Variants in STARD6 observed in about 807,000 individuals in gnomAD.
STARD6 encodes stAR-related lipid transfer protein 6.
STARD6 carries 21 observed loss-of-function variants against 22.3 expected under a neutral mutation model. The observed-to-expected ratio is 0.94, with a 90% CI of 0.67 to 1.35. The LOEUF is 1.35. Among genes scored for constraint, STARD6 ranks in the 40% most tolerant of loss-of-function variants. The pLI is 0.00. For missense variants in STARD6, 269 were observed against 266.9 expected, an observed-to-expected ratio of 1.01 and a Z score of -0.05; for synonymous variants, 80 against 88.1, an observed-to-expected ratio of 0.91 and a Z score of 0.52.
At chr18:54,329,562 A>G in intron 6 of STARD6, 122 bp from the exon 7 acceptor site, 1 of 725,778 alleles carries the variant, frequency 1.4e-6, no homozygotes, top group Non-Finnish European at 2.1e-6. Flanking sequence ...TTAGTTTTAT[A>G]TATGTGAATG....
intron 4 of STARD6, among the ~76,000 whole-genome samples, chr18:54,347,098 A>C (rs1452376850): frequency 6.6e-6 from 1 of 152,106 alleles, no homozygotes; most frequent in African/African-American, 2.4e-5. Flanking sequence ...TTAGTTCCAC[A>C]AGTCCTTTTT....
intron 5 of STARD6, among the ~76,000 whole-genome samples, chr18:54,336,163 T>C (rs1381776801): frequency 6.6e-6 from 1 of 152,232 alleles, no homozygotes; most frequent in Non-Finnish European, 1.5e-5. Flanking sequence ...GTTTTCTCTT[T>C]GTTTTTATTC....
intron 2 of STARD6, among the ~76,000 whole-genome samples, chr18:54,355,090 C>G (rs763877804): frequency 8.5e-5 from 13 of 152,198 alleles, no homozygotes; most frequent in Non-Finnish European, 7.3e-5. Context: ...TGGCACTACA[C>G]GATCTGACCC....
At chr18:54,338,276 C>T (rs1276309623) in intron 4 of STARD6, among the ~76,000 whole-genome samples, 1 of 152,170 alleles carries the variant, frequency 6.6e-6, no homozygotes, top group Non-Finnish European at 1.5e-5. Flanking sequence ...GGTGACAAAA[C>T]TTCCAAGCTA....
intron 4 of STARD6, among the ~76,000 whole-genome samples, chr18:54,351,718 T>C (rs1449106140): frequency 6.6e-6 from 1 of 152,144 alleles, no homozygotes; most frequent in Non-Finnish European, 1.5e-5. Context: ...ATTTTTGTTT[T>C]TAATTTTGGT....
intron 4 of STARD6, among the ~76,000 whole-genome samples, chr18:54,343,810 G>A (rs1480443654): frequency 2.6e-3 from 195 of 74,008 alleles, no homozygotes; most frequent in Non-Finnish European, 3.9e-3. Context: ...CGCCCCGTCC[G>A]GGAGGTGAGG....
intron 7 of STARD6, among the ~76,000 whole-genome samples, chr18:54,325,822 T>G (rs768994575): frequency 2.0e-5 from 3 of 152,142 alleles, no homozygotes; most frequent in Non-Finnish European, 4.4e-5. Context: ...AATGCTGGGA[T>G]TACAGGTGTG....
chr18:54,327,788 A>G (rs2088835997), intron 7 of STARD6, among the ~76,000 whole-genome samples: 4 of 152,030 alleles, frequency 2.6e-5, no homozygotes, highest in Non-Finnish European at 5.9e-5. Context: ...ATTTTCTTAT[A>G]CTTTTCTCTA....
In STARD6 at chr18:54,357,841, G is replaced by A. The variant is rs1045752932; in HGVS notation, c.-138C>T. The A allele has an allele frequency of 6.6e-6, 1 of 152,362 alleles. No homozygotes were observed. The highest frequency in any genetic ancestry group is 1.5e-5 in the Non-Finnish European group (1 of 68,180). 9.4% of individuals were successfully genotyped at this position (152,362 alleles called of 1,614,324 possible). ...CGCTCAACAGCATCCTCTCTTCTCC[G>A]GCCGCTCCCTCATCTCCGCTCGCGC... On this transcript the variant is annotated 5_prime_UTR_variant, in exon 1 of 8. Coordinates refer to ENST00000307844, the MANE Select transcript of STARD6 (RefSeq NM_139171.2).
rs1436262451 is a variant in STARD6, at chr18:54,329,334, A to C, written c.479+13T>G. The stretch of plus-strand genomic sequence containing the variant: ...AAAACCTGTTAAAATAAATAAGTGC[A>C]AACAACACTTACTCTTCCATTGGTG... On this transcript the variant is annotated intron_variant, in intron 7 of 7. Coordinates refer to ENST00000307844, the MANE Select transcript of STARD6 (RefSeq NM_139171.2). 2.6e-6 allele frequency: 4 copies of C among 1,555,508 alleles called. No homozygotes were observed.
chr18:54,338,815 C>T (rs949126844), intron 4 of STARD6, among the ~76,000 whole-genome samples: 2 of 151,476 alleles, frequency 1.3e-5, no homozygotes, highest in African/African-American at 2.4e-5. Context: ...TTTGGGAGGC[C>T]GAGGCAGGCA....
At position 54,355,438 on chromosome 18, in the gene STARD6, G is replaced by A. The variant is rs556269699; in HGVS notation, c.-4-861C>T. On this transcript the variant is annotated intron_variant, in intron 2 of 7. Transcript: ENST00000307844. ...ATATGTTGAAATCCTAACTCCCAGG[G>A]TGATATTAGGAGATGATTAGGTCAT... Among the ~76,000 whole-genome samples the A allele has an allele frequency of 3.2e-3, 494 of 152,178 alleles. 4 individuals are homozygous for A. Among genetic ancestry groups the A allele is most frequent in the Non-Finnish European group, 5.3e-3 (358 of 68,024 alleles).
intron 4 of STARD6, among the ~76,000 whole-genome samples, chr18:54,339,379 C>A (rs1432680714): frequency 1.3e-5 from 2 of 151,252 alleles, no homozygotes; most frequent in Admixed American, 6.6e-5. Context: ...TCAAGAAGTT[C>A]ATTGAATTCT....
chr18:54,346,454 CT>C (rs2144689415), intron 4 of STARD6, among the ~76,000 whole-genome samples: 2 of 152,000 alleles, frequency 1.3e-5, no homozygotes, highest in African/African-American at 4.8e-5. Context: ...ACATACACTG[CT>C]GTTAGGAATA....
chr18:54,349,074 A>C (rs548112730), intron 4 of STARD6, among the ~76,000 whole-genome samples: 1 of 152,116 alleles, frequency 6.6e-6, no homozygotes, highest in African/African-American at 2.4e-5. Flanking sequence ...GTGCCTATTA[A>C]AGTTAGTATC....
intron 4 of STARD6, among the ~76,000 whole-genome samples, chr18:54,343,916 G>A (rs1380538394): frequency 1.1e-4 from 4 of 37,634 alleles, no homozygotes; most frequent in African/African-American, 6.8e-4. Flanking sequence ...TCAGCCCCCC[G>A]CCCGGCCAGC....
In STARD6 at chr18:54,354,911, G is replaced by A. The variant is rs185370433; in HGVS notation, c.-4-334C>T. ...AATATATGTCTTGTAGAATTAGCGT[G>A]AGGATTAGATGAGATGATATGCTTA... On this transcript the variant is annotated intron_variant, in intron 2 of 7. Transcript: ENST00000307844. 1.1e-3 allele frequency among the ~76,000 whole-genome samples: 167 copies of A among 152,354 alleles called. 4 individuals carry two copies. The South Asian group carries it at 0.03, about 28-fold the overall frequency.
chr18:54,348,253 A>G (rs1187872172), intron 4 of STARD6, among the ~76,000 whole-genome samples: 3 of 152,164 alleles, frequency 2.0e-5, no homozygotes, highest in Non-Finnish European at 4.4e-5. Flanking sequence ...ACTGTCTCAC[A>G]TGTCTGCCTC....
At chr18:54,342,619 GCGC>G (rs2088984477) in intron 4 of STARD6, among the ~76,000 whole-genome samples, 1 of 121,258 alleles carries the variant, frequency 8.2e-6, no homozygotes, top group Non-Finnish European at 1.7e-5. Flanking sequence ...TTGCAGGCAC[GCGC>G]CGCCACGCCT....
Sources: gnomAD v4.1 joint callset for allele counts (sites outside exome capture counted in the v4.1 genomes callset) on GRCh38, gnomAD v4.1.1 for gene constraint, MANE v1.5 for transcripts, NCBI Gene and HGNC (gene_info 2026-07-23, HGNC 2026-07-21) for gene names.